The following SLC17A5 variants were observed in gnomAD, a reference collection of about 807,000 sequenced individuals.
SLC17A5 encodes the protein sialin.
SLC17A5 carries 47 observed loss-of-function variants against 59.4 expected under a neutral mutation model. The ratio of observed to expected loss-of-function variants is 0.79; its 90% confidence interval spans 0.63 to 1.01. The LOEUF (loss-of-function observed/expected upper bound fraction) is 1.01. Among genes scored for constraint, SLC17A5 ranks in the 50% least tolerant of loss-of-function variants. The pLI, the probability that SLC17A5 is intolerant of heterozygous loss-of-function variation, is 0.00. For synonymous variants in SLC17A5, 202 were observed against 210.7 expected (o/e 0.96, Z 0.36); for missense variants, 522 against 595.5 (o/e 0.88, Z 1.28).
chr6:73,637,078 C>CAA (rs201154792), intron 4 of SLC17A5, among the ~76,000 whole-genome samples: 4 of 78,064 alleles, frequency 5.1e-5, no homozygotes, highest in Non-Finnish European at 5.4e-5. Context: ...GACCCTGGCT[C>CAA]AAAAAAAAAA....
intron 9 of SLC17A5, among the ~76,000 whole-genome samples, chr6:73,601,432 C>T (rs866077330): frequency 5.0e-4 from 61 of 121,768 alleles, no homozygotes; most frequent in African/African-American, 1.3e-3. Flanking sequence ...GCCCCGCGCC[C>T]GGCCAGCCGC....
chr6:73,602,652 C>G (rs796615400), intron 9 of SLC17A5, among the ~76,000 whole-genome samples: 7 of 151,968 alleles, frequency 4.6e-5, no homozygotes, highest in African/African-American at 7.2e-5. Context: ...GCAGGCGCCT[C>G]TAGTCCCAGC....
chr6:73,602,827 C>T (rs1029736286), intron 9 of SLC17A5, among the ~76,000 whole-genome samples: 1 of 151,712 alleles, frequency 6.6e-6, no homozygotes, highest in Non-Finnish European at 1.5e-5. Flanking sequence ...GAAATAACCC[C>T]TTTTTATAGT....
At chr6:73,602,849 G>C (rs1197998387) in intron 9 of SLC17A5, among the ~76,000 whole-genome samples, 1 of 151,424 alleles carries the variant, frequency 6.6e-6, no homozygotes, top group Non-Finnish European at 1.5e-5. Flanking sequence ...ATATAGGAAA[G>C]TTCTGAGATA....
intron 1 of SLC17A5, chr6:73,653,066 A>C: frequency 2.0e-6 from 2 of 985,486 alleles, no homozygotes; most frequent in Non-Finnish European, 1.2e-6. Context: ...TTAGAACTCC[A>C]TAGGTATCTT....
Position 73,650,466 on chromosome 6 carries a change from C to T in SLC17A5, c.94+3327G>A, listed in dbSNP as rs575038879. ...GAGCATGCAGTGAGCCGAGATAGCG[C>T]GACTGCAGTCCAGCCTGGGCGAAAG... is the stretch of plus-strand genomic sequence containing the variant. On this transcript the variant is annotated intron_variant, in intron 1 of 10. Transcript: ENST00000355773. 6.8e-4 allele frequency among the ~76,000 whole-genome samples: 91 copies of T among 134,084 alleles called. 1 individual carries two copies. The South Asian group carries it at 0.021, about 30-fold the overall frequency. 88.0% of individuals were successfully genotyped at this position (134,084 alleles called of 152,430 possible).
chr6:73,624,415 A>G (rs1397873721), intron 6 of SLC17A5, among the ~76,000 whole-genome samples: 2 of 152,086 alleles, frequency 1.3e-5, no homozygotes, highest in African/African-American at 4.8e-5. Context: ...AAAAATAAAA[A>G]CAACAAATTA....
intron 9 of SLC17A5, among the ~76,000 whole-genome samples, chr6:73,609,792 C>T (rs920178181): frequency 2.0e-5 from 3 of 152,056 alleles, no homozygotes; most frequent in Non-Finnish European, 2.9e-5. Flanking sequence ...AATTAAAATC[C>T]TGTTAAGAAT....
At chr6:73,622,515 T>C (rs1768199764) in intron 6 of SLC17A5, among the ~76,000 whole-genome samples, 1 of 152,172 alleles carries the variant, frequency 6.6e-6, no homozygotes, top group Non-Finnish European at 1.5e-5. Flanking sequence ...TTGGTTAGGC[T>C]GGTCTTGAAC....
intron 1 of SLC17A5, 59 bp from the exon 2 acceptor site, chr6:73,644,662 G>A: frequency 6.7e-7 from 1 of 1,491,142 alleles, no homozygotes; most frequent in Non-Finnish European, 9.1e-7. Flanking sequence ...TTTAGAGACA[G>A]GGTTTTGCCA....
intron 10 of SLC17A5, among the ~76,000 whole-genome samples, chr6:73,597,516 G>A (rs553442845): frequency 7.9e-5 from 12 of 152,024 alleles, no homozygotes; most frequent in Admixed American, 2.0e-4. Flanking sequence ...CAGGCATGGC[G>A]GCTCATGCCT....
At chr6:73,652,337 T>C (rs748732778) in intron 1 of SLC17A5, among the ~76,000 whole-genome samples, 9 of 152,244 alleles carry the variant, frequency 5.9e-5, no homozygotes, top group Admixed American at 2.6e-4. Context: ...GATAAATGTA[T>C]ACATTTGTCC....
intron 2 of SLC17A5, among the ~76,000 whole-genome samples, chr6:73,642,283 C>G (rs532066004): frequency 5.3e-5 from 8 of 152,152 alleles, no homozygotes; most frequent in Non-Finnish European, 1.0e-4. Flanking sequence ...CTGCCGCCCC[C>G]CCGGCCCTGC....
chr6:73,610,583 C>T lies in SLC17A5; in HGVS notation c.1112-36G>A, dbSNP rs4708065. 473,025 of 1,607,270 alleles carry T rather than the reference C, an allele frequency of 0.29. 74,279 individuals are homozygous for T. The highest frequency in any genetic ancestry group is 0.42 in the African/African-American group (31,694 of 74,718). Reference sequence around the variant, plus strand: ...AAAGTTATAAAAGGGAAAAAACACCCAGCATTAATATTTGCTCTACCTTAA... The same window carrying T: ...AAAGTTATAAAAGGGAAAAAACACCTAGCATTAATATTTGCTCTACCTTAA... On this transcript the variant is annotated intron_variant, in intron 8 of 10. Coordinates refer to ENST00000355773, the MANE Select transcript of SLC17A5 (RefSeq NM_012434.5).
Position 73,653,861 on chromosome 6 carries a change from G to A in SLC17A5, c.26C>T (p.Ala9Val). 1 of 1,607,196 alleles carries A rather than the reference G, an allele frequency of 6.2e-7. No homozygotes were observed. Among genetic ancestry groups the A allele is most frequent in the Non-Finnish European group, 8.5e-7 (1 of 1,177,634 alleles). The stretch of plus-strand genomic sequence containing the variant: ...CGTGCTCTCCTCGCCATCGTTCCGG[G>A]CCAGGTCTCGAACCGGAGACCTCAT... MRSPVRDL[A>V]RNDGEESTDR... Residue 9 changes from alanine (A) to valine (V), a missense_variant, in exon 1 of 11, where the codon GCC becomes GTC. Ala to Val is a moderately conservative substitution (Grantham distance 64, BLOSUM62 0). Coordinates refer to ENST00000355773, the MANE Select transcript of SLC17A5 (RefSeq NM_012434.5).
At chr6:73,601,446 G>C (rs1251618153) in intron 9 of SLC17A5, among the ~76,000 whole-genome samples, 20 of 137,818 alleles carry the variant, frequency 1.5e-4, no homozygotes, top group South Asian at 2.4e-4. Flanking sequence ...CAGCCGCCCC[G>C]TCCGGGAGGG....
chr6:73,623,876 T>A (rs927176811), intron 6 of SLC17A5, among the ~76,000 whole-genome samples: 1 of 150,962 alleles, frequency 6.6e-6, no homozygotes, highest in African/African-American at 2.4e-5. Flanking sequence ...GTTTTGTATT[T>A]TTAGTAGAGA....
At chr6:73,603,085 T>C (rs1230311119) in intron 9 of SLC17A5, among the ~76,000 whole-genome samples, 1 of 152,228 alleles carries the variant, frequency 6.6e-6, no homozygotes, top group African/African-American at 2.4e-5. Context: ...ATTTCTAGTA[T>C]GTTATTATAG....
chr6:73,630,331 C>T (rs1768640217), intron 6 of SLC17A5, among the ~76,000 whole-genome samples: 1 of 152,128 alleles, frequency 6.6e-6, no homozygotes, highest in Non-Finnish European at 1.5e-5. Context: ...AGAATTAGAA[C>T]TATATATGCT....
Sources: gnomAD v4.1 joint callset for allele counts (sites outside exome capture counted in the v4.1 genomes callset) on GRCh38, gnomAD v4.1.1 for gene constraint, MANE v1.5 for transcripts, NCBI Gene and HGNC (gene_info 2026-07-23, HGNC 2026-07-21) for gene names.